The following CDH9 variants were observed in gnomAD, a reference collection of about 807,000 sequenced individuals.
CDH9 encodes cadherin 9.
A neutral mutation model predicts 70.9 loss-of-function variants in CDH9; 28 were observed. That is an observed-to-expected ratio of 0.40 (90% confidence interval 0.29 to 0.54). CDH9 has a LOEUF of 0.54. CDH9 is among the 20% of genes least tolerant of loss of function. CDH9 has a pLI of 0.59. For missense variants in CDH9, 874 were observed against 984.4 expected, an observed-to-expected ratio of 0.89 and a Z score of 1.50; for synonymous variants, 409 against 343.1, an observed-to-expected ratio of 1.19 and a Z score of -2.12.
chr5:27,006,256 T>C (rs1742864101), intron 1 of CDH9, among the ~76,000 whole-genome samples: 1 of 152,062 alleles, frequency 6.6e-6, no homozygotes, highest in Non-Finnish European at 1.5e-5. Flanking sequence ...AAATCATCAT[T>C]TATTATTAGA....
chr5:26,909,211 C>T (rs562945124), intron 3 of CDH9, among the ~76,000 whole-genome samples: 1 of 152,206 alleles, frequency 6.6e-6, no homozygotes, highest in African/African-American at 2.4e-5. Context: ...GTCTCGATCT[C>T]CTGACCTCAT....
At chr5:26,936,235 G>A (rs1277077773) in intron 2 of CDH9, among the ~76,000 whole-genome samples, 5 of 151,940 alleles carry the variant, frequency 3.3e-5, no homozygotes, top group African/African-American at 1.2e-4. Context: ...GTATCCGCAA[G>A]CCATTTAAAT....
intron 11 of CDH9, among the ~76,000 whole-genome samples, chr5:26,882,395 TTTTTATTG>T (rs1311331389): frequency 2.0e-5 from 3 of 152,102 alleles, no homozygotes; most frequent in Non-Finnish European, 4.4e-5. Flanking sequence ...TGCTGTATTA[TTTTTATTG>T]TTTACATGTC....
chr5:26,949,473 C>A (rs1396263466), intron 2 of CDH9, among the ~76,000 whole-genome samples: 4 of 152,206 alleles, frequency 2.6e-5, no homozygotes, highest in Admixed American at 1.3e-4. Flanking sequence ...AAACCATGAG[C>A]ATGTCAGCAC....
At chr5:26,943,578 G>T (rs1310826947) in intron 2 of CDH9, among the ~76,000 whole-genome samples, 2 of 151,406 alleles carry the variant, frequency 1.3e-5, no homozygotes, top group African/African-American at 2.4e-5. Flanking sequence ...GAATATATCA[G>T]GATTATACTA....
chr5:26,908,030 C>T lies in CDH9; in HGVS notation c.524-1192G>A, dbSNP rs188635246. Among the ~76,000 whole-genome samples, 10 of 152,222 alleles carry T rather than the reference C, an allele frequency of 6.6e-5. No individual in the cohort carries two copies. In the East Asian group the frequency reaches 1.9e-3, roughly 29 times the overall value. ...TAAGATCAATATTAACAGCTCATTT[C>T]CTGTCAATATGTTTGAATGTTAACA... On this transcript the variant is annotated intron_variant, in intron 3 of 11. Transcript: ENST00000231021.
intron 7 of CDH9, chr5:26,890,774 A>T: frequency 2.1e-6 from 1 of 471,774 alleles, no homozygotes; most frequent in African/African-American, 2.0e-5. Context: ...TCCTATGTGT[A>T]CTTTAGAACT....
intron 2 of CDH9, among the ~76,000 whole-genome samples, chr5:26,937,875 G>C (rs1741588053): frequency 6.6e-6 from 1 of 152,026 alleles, no homozygotes; most frequent in Non-Finnish European, 1.5e-5. Context: ...GGTGAAATTA[G>C]TCTGTATAAT....
rs751642649 is a variant in CDH9, at chr5:26,988,133, T to C, written c.201A>G (p.Thr67=). 3 of 1,612,578 alleles carry C rather than the reference T, an allele frequency of 1.9e-6. No homozygotes were observed. The highest frequency in any genetic ancestry group is 3.3e-5 in the Admixed American group (2 of 59,862). Residue 67 remains threonine (T), a synonymous_variant, in exon 2 of 12, where the codon ACA becomes ACG. Transcript: ENST00000231021. ...WNQFFLLEEY[T]GTDTQYVGKL... ...TGCCTACATATTGTGTGTCAGTACC[T>C]GTGTACTCTTCCAATAAGAAGAACT...
At position 26,905,289 on chromosome 5, in the gene CDH9, A is replaced by G. The variant is rs113757942; in HGVS notation, c.811+670T>C. On this transcript the variant is annotated intron_variant, in intron 5 of 11. Transcript: ENST00000231021. ...GCATCCATGGTTTAATGTCTATCCT[A>G]AAATGGTGACAACTGAAAGAGTGTT... 3.5e-3 allele frequency among the ~76,000 whole-genome samples: 536 copies of G among 152,248 alleles called. 4 individuals carry two copies. The highest frequency in any genetic ancestry group is 0.012 in the African/African-American group (516 of 41,542).
Position 26,916,650 on chromosome 5 carries a change from A to G in CDH9, c.229-726T>C, listed in dbSNP as rs181901038. ...CTCTCTCTCAAAATATCTTGTTGTTATTTACTGTGGGTAATTAAAACCTCA... is the reference window on the plus strand; with the variant it reads ...CTCTCTCTCAAAATATCTTGTTGTTGTTTACTGTGGGTAATTAAAACCTCA... On this transcript the variant is annotated intron_variant, in intron 2 of 11. Transcript: ENST00000231021. 2.4e-3 allele frequency among the ~76,000 whole-genome samples: 359 copies of G among 152,018 alleles called. 2 individuals carry two copies. Among genetic ancestry groups the G allele is most frequent in the African/African-American group, 8.3e-3 (345 of 41,516 alleles).
At chr5:26,964,204 CACACACACAT>C (rs1742088885) in intron 2 of CDH9, among the ~76,000 whole-genome samples, 1 of 152,026 alleles carries the variant, frequency 6.6e-6, no homozygotes, top group African/African-American at 2.4e-5. Flanking sequence ...TACACACACA[CACACACACAT>C]ACACACACAA....
intron 1 of CDH9, among the ~76,000 whole-genome samples, chr5:27,001,485 G>T (rs1742766967): frequency 6.6e-6 from 1 of 152,048 alleles, no homozygotes; most frequent in Non-Finnish European, 1.5e-5. Flanking sequence ...CCAACAGGAG[G>T]TTACCATGAT....
At chr5:26,900,482 G>A (rs1439308471) in intron 7 of CDH9, among the ~76,000 whole-genome samples, 1 of 151,962 alleles carries the variant, frequency 6.6e-6, no homozygotes, top group Non-Finnish European at 1.5e-5. Flanking sequence ...GACCTTGAAG[G>A]GGCATCATGC....
intron 3 of CDH9, among the ~76,000 whole-genome samples, chr5:26,910,225 A>ATCTC (rs1409823081): frequency 6.0e-4 from 4 of 6,662 alleles, no homozygotes; most frequent in Non-Finnish European, 1.0e-3. Flanking sequence ...TCTATCATCC[A>ATCTC]TCTATCTATC....
At chr5:26,977,591 C>A (rs76413711) in intron 2 of CDH9, among the ~76,000 whole-genome samples, 2,396 of 151,218 alleles carry the variant, frequency 0.016, 76 homozygotes, top group African/African-American at 0.056. Context: ...ACATTAATTT[C>A]TTTGAGGGAA....
intron 1 of CDH9, among the ~76,000 whole-genome samples, chr5:27,021,281 T>C (rs1743133618): frequency 6.6e-6 from 1 of 151,826 alleles, no homozygotes; most frequent in African/African-American, 2.4e-5. Flanking sequence ...TTTAACTGAG[T>C]TTGACGTTGA....
intron 2 of CDH9, among the ~76,000 whole-genome samples, chr5:26,967,740 A>G (rs999640723): frequency 2.6e-5 from 4 of 151,984 alleles, no homozygotes; most frequent in Admixed American, 6.6e-5. Context: ...TTCCTCTGTC[A>G]CCCAGGCTGG....
chr5:26,881,925 C>T (rs1266271481), intron 11 of CDH9, among the ~76,000 whole-genome samples: 1 of 152,052 alleles, frequency 6.6e-6, no homozygotes, highest in Non-Finnish European at 1.5e-5. Context: ...CCTCAGCAGT[C>T]TTTCCAAATG....
Sources: gnomAD v4.1 joint callset for allele counts (sites outside exome capture counted in the v4.1 genomes callset) on GRCh38, gnomAD v4.1.1 for gene constraint, MANE v1.5 for transcripts, NCBI Gene and HGNC (gene_info 2026-07-23, HGNC 2026-07-21) for gene names.